BMP7: variants seen among roughly 807,000 people sequenced by gnomAD.
BMP7 encodes the protein bone morphogenetic protein 7, also known as osteogenic protein 1.
A neutral mutation model predicts 41.2 loss-of-function variants in BMP7; 12 were observed. The ratio of observed to expected loss-of-function variants is 0.29; its 90% CI spans 0.19 to 0.47. The LOEUF (loss-of-function observed/expected upper bound fraction) is 0.47, where lower values mean the gene tolerates loss of function less well. Among genes scored for constraint, BMP7 ranks in the 20% least tolerant of loss-of-function variants. The pLI is 0.99. For missense variants in BMP7, 467 were observed against 606.0 expected, an observed-to-expected ratio of 0.77 and a Z score of 2.41; for synonymous variants, 248 against 250.0, an observed-to-expected ratio of 0.99 and a Z score of 0.07.
intron 1 of BMP7, among the ~76,000 whole-genome samples, chr20:57,250,472 A>C (rs1466515303): frequency 6.7e-6 from 1 of 148,754 alleles, no homozygotes; most frequent in Non-Finnish European, 1.5e-5. Flanking sequence ...TAGAGGCTGC[A>C]GTGAGCCAAG....
intron 3 of BMP7, among the ~76,000 whole-genome samples, chr20:57,189,220 G>T (rs1489978341): frequency 6.6e-6 from 1 of 152,194 alleles, no homozygotes; most frequent in African/African-American, 2.4e-5. Context: ...TTTTCTTGGG[G>T]TACAGGGGGC....
chr20:57,223,988 A>G (rs1985250297), intron 2 of BMP7, among the ~76,000 whole-genome samples: 1 of 152,142 alleles, frequency 6.6e-6, no homozygotes, highest in Non-Finnish European at 1.5e-5. Flanking sequence ...ATCCAGCCCC[A>G]CCTACCTTCT....
At position 57,220,611 on chromosome 20, in the gene BMP7, T is replaced by C. The variant is rs141363404; in HGVS notation, c.611+7618A>G. ...CCCATTCTTCCCAAATGCATCCCAG[T>C]GTAAAGAACCCCAGGCTGCCGCACA... On this transcript the variant is annotated intron_variant, in intron 2 of 6. Coordinates refer to ENST00000395863, the MANE Select transcript of BMP7 (RefSeq NM_001719.3). 3.7e-3 allele frequency among the ~76,000 whole-genome samples: 568 copies of C among 152,238 alleles called. 5 individuals carry two copies. Among genetic ancestry groups the C allele is most frequent in the African/African-American group, 0.013 (551 of 41,542 alleles).
At chr20:57,254,146 C>T (rs1217640154) in intron 1 of BMP7, among the ~76,000 whole-genome samples, 4 of 150,470 alleles carry the variant, frequency 2.7e-5, no homozygotes, top group Non-Finnish European at 5.9e-5. Context: ...CCTCAGCCTC[C>T]CAAGTAGCTG....
chr20:57,172,777 T>C (rs774798312), intron 6 of BMP7, among the ~76,000 whole-genome samples: 1 of 152,104 alleles, frequency 6.6e-6, no homozygotes, highest in Non-Finnish European at 1.5e-5. Context: ...GGGTCCCCAC[T>C]CATCTCTCCA....
chr20:57,234,558 T>C (rs544248643), intron 1 of BMP7, among the ~76,000 whole-genome samples: 3 of 152,360 alleles, frequency 2.0e-5, no homozygotes, highest in Admixed American at 2.0e-4. Context: ...GTCAGACTGC[T>C]GCCTGACTGC....
intron 1 of BMP7, among the ~76,000 whole-genome samples, chr20:57,239,189 A>G (rs1405063835): frequency 6.6e-6 from 1 of 152,220 alleles, no homozygotes; most frequent in Non-Finnish European, 1.5e-5. Flanking sequence ...GTTACTTCCT[A>G]GATACAATGG....
intron 3 of BMP7, among the ~76,000 whole-genome samples, chr20:57,192,544 C>T (rs536569602): frequency 2.0e-5 from 3 of 151,436 alleles, no homozygotes; most frequent in East Asian, 1.9e-4. Flanking sequence ...TTAAATGTCC[C>T]GGACAAGTCA....
chr20:57,244,022 C>G (rs2066080024), intron 1 of BMP7: 1 of 152,232 alleles, frequency 6.6e-6, no homozygotes, highest in Non-Finnish European at 1.5e-5. Context: ...CTGTGAAATG[C>G]AGGTGTAGTA....
chr20:57,173,370 C>T (rs533716905), intron 5 of BMP7, 60 bp from the exon 6 acceptor site: 17 of 1,518,206 alleles, frequency 1.1e-5, no homozygotes, highest in Non-Finnish European at 1.5e-5. Context: ...AGCATCCCAA[C>T]CCCCATGCTG....
rs1182180195 is a variant in BMP7, at chr20:57,215,599, C to CTCTGGGGGGTCCCCCCAGAAAAA, written c.611+12607_611+12629dup. The CTCTGGGGGGTCCCCCCAGAAAAA allele has an allele frequency of 2.0e-5, 3 of 152,116 alleles. No homozygotes were observed. Among genetic ancestry groups the CTCTGGGGGGTCCCCCCAGAAAAA allele is most frequent in the Non-Finnish European group, 4.4e-5 (3 of 68,024 alleles). 9.4% of individuals were successfully genotyped at this position (152,116 alleles called of 1,614,324 possible). On this transcript the variant is annotated intron_variant, in intron 2 of 6. Coordinates refer to ENST00000395863, the MANE Select transcript of BMP7 (RefSeq NM_001719.3). The surrounding 1 kb of genome is among the most constrained non-coding windows in gnomAD (Gnocchi z 4.2). Reference sequence around the variant, plus strand: ...AAGAACTCTGGTGAAACATCAAGAACTCTGGGGGGTCCCCCCAGAAAAATC... The same window carrying CTCTGGGGGGTCCCCCCAGAAAAA: ...AAGAACTCTGGTGAAACATCAAGAACTCTGGGGGGTCCCCCCAGAAAAATCTGGGGGGTCCCCCCAGAAAAATC...
At position 57,213,057 on chromosome 20, in the gene BMP7, G is replaced by A. The variant is rs1433552704; in HGVS notation, c.612-10434C>T. Among the ~76,000 whole-genome samples, 6 of 152,252 alleles carry A rather than the reference G, an allele frequency of 3.9e-5. No homozygotes were observed. The highest frequency in any genetic ancestry group is 3.3e-4 in the Admixed American group (5 of 15,292). ...CTAAAATTAAAGCTTTGGGGAGTAA[G>A]GTGGAAAAATACACAAAGAGGCACA... is the stretch of plus-strand genomic sequence containing the variant. On this transcript the variant is annotated intron_variant, in intron 2 of 6. Coordinates refer to ENST00000395863, the MANE Select transcript of BMP7 (RefSeq NM_001719.3). The surrounding 1 kb of genome is among the most constrained non-coding windows in gnomAD (Gnocchi z 4.4).
At chr20:57,172,142 T>C (rs1278171209) in intron 6 of BMP7, among the ~76,000 whole-genome samples, 1 of 152,110 alleles carries the variant, frequency 6.6e-6, no homozygotes, top group Non-Finnish European at 1.5e-5. Context: ...AGGATAGAGA[T>C]GTGTCCCCTG....
At chr20:57,262,322 A>G (rs1345953012) in intron 1 of BMP7, among the ~76,000 whole-genome samples, 5 of 152,208 alleles carry the variant, frequency 3.3e-5, no homozygotes, top group Non-Finnish European at 2.9e-5. Context: ...AAATCTTGCC[A>G]TTGAACTTAA....
intron 2 of BMP7, among the ~76,000 whole-genome samples, chr20:57,223,833 G>A (rs765492083): frequency 4.4e-4 from 67 of 152,206 alleles, no homozygotes; most frequent in African/African-American, 1.5e-3. Context: ...GGCAAAACCC[G>A]CCCAGAGTCT....
At chr20:57,257,491 G>A (rs1296219574) in intron 1 of BMP7, among the ~76,000 whole-genome samples, 1 of 152,034 alleles carries the variant, frequency 6.6e-6, no homozygotes, top group Non-Finnish European at 1.5e-5. Flanking sequence ...CCAAAATTTT[G>A]TATTGCTTTT....
intron 3 of BMP7, among the ~76,000 whole-genome samples, chr20:57,191,811 T>C (rs963824030): frequency 7.0e-6 from 1 of 142,762 alleles, no homozygotes; most frequent in Non-Finnish European, 1.5e-5. Flanking sequence ...TTATAGTATA[T>C]ATATGTTTTT....
In BMP7 at chr20:57,174,626, C is replaced by T. The variant is rs563602948; in HGVS notation, c.1035+305G>A. On this transcript the variant is annotated intron_variant, in intron 5 of 6. Transcript: ENST00000395863. This position sits in a 1 kb window ranked among gnomAD's most constrained non-coding sequence, Gnocchi z 4.3. ...CCCCAGGTATCTACATTCAAACACA[C>T]GGCCCGGCATCATCTTGAGAAGCAG... Among the ~76,000 whole-genome samples, 119 of 152,300 alleles carry T rather than the reference C, an allele frequency of 7.8e-4. No individual in the cohort carries two copies. Among genetic ancestry groups the T allele is most frequent in the African/African-American group, 2.7e-3 (113 of 41,564 alleles).
intron 3 of BMP7, 52 bp downstream of exon 3, chr20:57,202,423 G>C (rs1039044117): frequency 6.3e-7 from 1 of 1,591,430 alleles, no homozygotes; most frequent in East Asian, 2.2e-5. Context: ...AGACCCTCCT[G>C]AAGTCCAGGA....
Sources: allele counts gnomAD v4.1 joint callset (sites outside exome capture counted in the v4.1 genomes callset), GRCh38; gene constraint gnomAD v4.1.1; non-coding constraint Gnocchi (gnomAD v3.1); transcripts MANE v1.5; gene names NCBI Gene and HGNC (gene_info 2026-07-23, HGNC 2026-07-21).